Variants in TENM2 observed in about 807,000 individuals in gnomAD.
The protein encoded by TENM2 is teneurin-2.
Under a neutral mutation model 245.2 loss-of-function variants are expected in TENM2, and 52 were observed. The ratio of observed to expected loss-of-function variants is 0.21; its 90% CI spans 0.17 to 0.27. The LOEUF (loss-of-function observed/expected upper bound fraction) is 0.27, where lower values mean the gene tolerates loss of function less well. Ranked by LOEUF, TENM2 falls within the 10% of genes least tolerant of loss-of-function variation. The probability of loss-of-function intolerance (pLI) is 1.00; values close to 1 mark genes in which losing one functional copy is unlikely to be tolerated. For synonymous variants in TENM2, 1,363 were observed against 1,438.9 expected, an observed-to-expected ratio of 0.95 and a Z score of 1.19; for missense variants, 3,046 against 3,666.8, an observed-to-expected ratio of 0.83 and a Z score of 4.37.
chr5:167,259,449 G>A, the TENM2 span, among the ~76,000 whole-genome samples: 1 of 152,106 alleles, frequency 6.6e-6, no homozygotes, highest in Non-Finnish European at 1.5e-5. Flanking sequence ...TTTAAATAAT[G>A]AGTCAAATAA....
chr5:167,913,669 A>G (rs1460119393), intron 3 of TENM2, among the ~76,000 whole-genome samples: 1 of 152,170 alleles, frequency 6.6e-6, no homozygotes, highest in African/African-American at 2.4e-5. Flanking sequence ...ATGCTTTTAT[A>G]GACAGAAAGG....
rs558410031 is a variant in TENM2 at position 167,330,334 on chromosome 5, G to A, written c.227-44864G>A. 3.3e-5 allele frequency among the ~76,000 whole-genome samples: 5 copies of A among 152,288 alleles called. No individual in the cohort carries two copies. The South Asian group carries it at 1.0e-3, about 32-fold the overall frequency. ...ACAGTTGAGGAAACTGAGATGTAGA[G>A]AAGGTATTCTGTTTACATAGGGACG... On this transcript the variant is annotated intron_variant, in intron 1 of 28. Transcript: ENST00000518659.
intron 25 of TENM2, among the ~76,000 whole-genome samples, chr5:168,230,237 G>GTGT (rs534194167): frequency 6.6e-6 from 1 of 152,150 alleles, no homozygotes. Flanking sequence ...TAATTGTCTG[G>GTGT]TGTTAGTTCC....
chr5:167,185,014 GCAGAACT>G, the TENM2 span, among the ~76,000 whole-genome samples: 3 of 152,278 alleles, frequency 2.0e-5, no homozygotes, highest in African/African-American at 7.2e-5. Context: ...CTGACAGGGG[GCAGAACT>G]CAGCTTCTTC....
At chr5:167,735,797 C>T (rs1043053745) in intron 2 of TENM2, among the ~76,000 whole-genome samples, 2 of 151,944 alleles carry the variant, frequency 1.3e-5, no homozygotes, top group Admixed American at 6.6e-5. Flanking sequence ...TAGAGTGAGA[C>T]CCTGTCTCAC....
intron 2 of TENM2, among the ~76,000 whole-genome samples, chr5:167,687,033 T>G (rs2150393439): frequency 6.6e-6 from 1 of 152,272 alleles, no homozygotes; most frequent in African/African-American, 2.4e-5. Flanking sequence ...TGCCAAATAC[T>G]TGTAATTAAC....
At chr5:167,480,604 TGATTGC>T (rs1478303539) in intron 2 of TENM2, among the ~76,000 whole-genome samples, 4 of 152,210 alleles carry the variant, frequency 2.6e-5, no homozygotes, top group Admixed American at 6.5e-5. Flanking sequence ...AAAATCTAGA[TGATTGC>T]GATGTAAATG....
chr5:168,108,113 G>A (rs1025676131), intron 9 of TENM2, among the ~76,000 whole-genome samples: 6 of 152,288 alleles, frequency 3.9e-5, no homozygotes, highest in South Asian at 4.1e-4. Flanking sequence ...ACCAAAGCAA[G>A]TGCTAAAGAA....
At chr5:166,990,176 G>T in the TENM2 span, among the ~76,000 whole-genome samples, 1 of 152,050 alleles carries the variant, frequency 6.6e-6, no homozygotes, top group Non-Finnish European at 1.5e-5. Flanking sequence ...TAGACTCTCT[G>T]GTTCAAACAG....
chr5:166,995,844 T>TAAAA, the TENM2 span, among the ~76,000 whole-genome samples: 2 of 135,838 alleles, frequency 1.5e-5, no homozygotes, highest in Non-Finnish European at 3.1e-5. Context: ...AAAAAAAAAT[T>TAAAA]TCTGTTCTCT....
At chr5:167,836,583 G>A (rs1379280310) in intron 2 of TENM2, among the ~76,000 whole-genome samples, 1 of 152,192 alleles carries the variant, frequency 6.6e-6, no homozygotes, top group Non-Finnish European at 1.5e-5. Flanking sequence ...TGTCACACTT[G>A]TAACCATGTT....
At chr5:167,999,690 G>A (rs1018438898) in intron 5 of TENM2, among the ~76,000 whole-genome samples, 3 of 152,208 alleles carry the variant, frequency 2.0e-5, no homozygotes, top group Non-Finnish European at 4.4e-5. Flanking sequence ...AGTGCTTCAG[G>A]AGGGTCAGCA....
chr5:167,182,269 T>C, the TENM2 span, among the ~76,000 whole-genome samples: 68 of 152,094 alleles, frequency 4.5e-4, no homozygotes, highest in African/African-American at 1.5e-3. Flanking sequence ...TTTTTCTAAA[T>C]CCAATTGAGT....
chr5:167,293,700 A>G (rs1754788411), intron 1 of TENM2, among the ~76,000 whole-genome samples: 1 of 152,150 alleles, frequency 6.6e-6, no homozygotes, highest in Non-Finnish European at 1.5e-5. Context: ...AAGTACATAG[A>G]TTGTTAGTTC....
chr5:167,199,339 A>G, the TENM2 span, among the ~76,000 whole-genome samples: 72 of 152,180 alleles, frequency 4.7e-4, no homozygotes, highest in African/African-American at 1.6e-3. Context: ...TGGTGGTTCA[A>G]TTTATACCTT....
At chr5:168,190,263 C>G (rs973974342) in intron 13 of TENM2, 74 bp from the exon 16 acceptor site, 3 of 1,186,490 alleles carry the variant, frequency 2.5e-6, no homozygotes, top group Non-Finnish European at 3.7e-6. Context: ...GTGCTGGTAA[C>G]AAAGGTGTTA....
At chr5:166,983,777 C>T in the TENM2 span, among the ~76,000 whole-genome samples, 2 of 152,214 alleles carry the variant, frequency 1.3e-5, no homozygotes, top group South Asian at 2.1e-4. Flanking sequence ...AAAGTTGAGA[C>T]TTCTCAGGAC....
chr5:167,638,629 T>C (rs1482115833), intron 2 of TENM2, among the ~76,000 whole-genome samples: 1 of 152,236 alleles, frequency 6.6e-6, no homozygotes, highest in Non-Finnish European at 1.5e-5. Context: ...TTAACAAGCA[T>C]ATAGATAGAT....
intron 4 of TENM2, among the ~76,000 whole-genome samples, chr5:167,982,907 A>G (rs1342340879): frequency 1.3e-5 from 2 of 152,210 alleles, no homozygotes; most frequent in Non-Finnish European, 2.9e-5. Context: ...TGGTCCAGAC[A>G]CTAAATGCAA....
Sources: gnomAD v4.1 joint callset for allele counts (sites outside exome capture counted in the v4.1 genomes callset) on GRCh38, gnomAD v4.1.1 for gene constraint, MANE v1.5 for transcripts, NCBI Gene and HGNC (gene_info 2026-07-23, HGNC 2026-07-21) for gene names.